Variants in RASGRP4 observed in about 807,000 individuals in gnomAD.
The protein encoded by RASGRP4 is RAS guanyl releasing protein 4, also known as RAS guanyl-releasing protein 4.
In RASGRP4, 52 loss-of-function variants were observed where a neutral mutation model predicts 84.4. That is an observed-to-expected ratio of 0.62 (90% CI 0.49 to 0.78). The LOEUF is 0.78. Ranked by LOEUF, RASGRP4 falls within the 30% of genes least tolerant of loss-of-function variation. The pLI, the probability that RASGRP4 is intolerant of heterozygous loss-of-function variation, is 0.00. For missense variants in RASGRP4, 760 were observed against 886.9 expected (o/e 0.86, Z 1.82); for synonymous variants, 356 against 359.1 (o/e 0.99, Z 0.10).
At chr19:38,426,040 G>A in intron 1 of RASGRP4, 29 bp downstream of exon 1, 1 of 1,363,876 alleles carries the variant, frequency 7.3e-7, no homozygotes, top group Non-Finnish European at 9.5e-7. Context: ...TCAGGGTGCT[G>A]CCGGGCTCCC....
chr19:38,412,847 C>G lies in RASGRP4; in HGVS notation c.1536-31G>C, dbSNP rs745546002. On this transcript the variant is annotated intron_variant, in intron 12 of 16. Transcript: ENST00000615439. The surrounding 1 kb of genome is among the most constrained non-coding windows in gnomAD (Gnocchi z 4.6). ...GGCAGAAACTGAGCCTCAGCATGAC[C>G]TGCCCCAACGTCCTCCAGACCCAGG... The G allele has an allele frequency of 2.2e-5, 36 of 1,611,296 alleles. No individual in the cohort carries two copies. In the South Asian group the frequency reaches 3.3e-4, roughly 15 times the overall value.
In RASGRP4 at chr19:38,411,368, G is replaced by A. The variant is rs370977740; in HGVS notation, c.1694C>T (p.Thr565Ile). Residue 565 changes from threonine (T) to isoleucine (I), a missense_variant, in exon 14 of 17, where the codon ACC becomes ATC. Physicochemically the swap from Thr to Ile is moderately conservative, Grantham distance 89. Transcript: ENST00000615439. The stretch of plus-strand genomic sequence containing the variant: ...ACCCCGACAGCGGTAGCCTTGCTTG[G>A]TGACACCCCAGAGCTGGGAAGAGAA... ...DSCSGFLWGV[T>I]KQGYRCRECG... 2.2e-5 allele frequency: 35 copies of A among 1,588,458 alleles called. No individual in the cohort carries two copies. The highest frequency in any genetic ancestry group is 2.9e-5 in the Non-Finnish European group (34 of 1,166,638).
chr19:38,418,097 G>A lies in RASGRP4; in HGVS notation c.837+294C>T, dbSNP rs1971578178. ...GCTTCCATGCCCCACAAAGGTGGGGGCATGGAAGAGACACTCTCATTGACC... is the reference window on the plus strand; with the variant it reads ...GCTTCCATGCCCCACAAAGGTGGGGACATGGAAGAGACACTCTCATTGACC... On this transcript the variant is annotated intron_variant, in intron 7 of 16. Transcript: ENST00000615439. The surrounding 1 kb of genome is among the most constrained non-coding windows in gnomAD (Gnocchi z 4.6). Among the ~76,000 whole-genome samples, 1 of 152,100 alleles carries A rather than the reference G, an allele frequency of 6.6e-6. No individual in the cohort carries two copies. Among genetic ancestry groups the A allele is most frequent in the Non-Finnish European group, 1.5e-5 (1 of 67,998 alleles).
chr19:38,411,206 C>T lies in RASGRP4; in HGVS notation c.1761G>A (p.Lys587=), dbSNP rs765307633. ...CCCCTGGCCTCTTCTTACATTCTAC[C>T]TTCACCTGGTCTCTGCAGTGTTTGT... The part of the protein sequence containing the change: ...CCHKHCRDQV[K]VECKKRPGAK... The change falls in exon 15 of 17, where the codon AAG becomes AAA. Residue 587 remains lysine (K), a synonymous_variant. Transcript: ENST00000615439. 1.1e-5 allele frequency: 18 copies of T among 1,613,964 alleles called. No individual in the cohort carries two copies. Among genetic ancestry groups the T allele is most frequent in the Admixed American group, 1.7e-5 (1 of 60,018 alleles).
At chr19:38,422,834 A>G (rs886318874) in intron 1 of RASGRP4, among the ~76,000 whole-genome samples, 1 of 151,966 alleles carries the variant, frequency 6.6e-6, no homozygotes, top group Non-Finnish European at 1.5e-5. Context: ...ATTAACTTGA[A>G]TCATCCCCAC....
chr19:38,420,782 T>G, intron 4 of RASGRP4, 126 bp downstream of exon 4: 2 of 885,778 alleles, frequency 2.3e-6, no homozygotes, highest in Non-Finnish European at 3.7e-6. Context: ...AGAAGTGGGA[T>G]TTTGGCCTGT....
rs141786893 is a variant in RASGRP4, at chr19:38,417,435, C to A, written c.838-267G>T. 6.1e-3 allele frequency among the ~76,000 whole-genome samples: 926 copies of A among 152,110 alleles called. 7 individuals are homozygous for A. Among genetic ancestry groups the A allele is most frequent in the Middle Eastern group, 0.014 (4 of 294 alleles). On this transcript the variant is annotated intron_variant, in intron 7 of 16. Transcript: ENST00000615439. This position sits in a 1 kb window ranked among gnomAD's most constrained non-coding sequence, Gnocchi z 5.1. Reference sequence around the variant, plus strand: ...AGAAAATCTGGGGAGACAGGAAGTACGAGAAGTTGGGCGGATTTGGGGAAT... The same window carrying A: ...AGAAAATCTGGGGAGACAGGAAGTAAGAGAAGTTGGGCGGATTTGGGGAAT...
Position 38,410,933 on chromosome 19 carries a change from C to A in RASGRP4, c.1918G>T (p.Ala640Ser), listed in dbSNP as rs759354719. 3 of 1,605,036 alleles carry A rather than the reference C, an allele frequency of 1.9e-6. No individual in the cohort carries two copies. The highest frequency in any genetic ancestry group is 1.7e-5 in the Admixed American group (1 of 58,418). Residue 640 changes from alanine (A) to serine (S), a missense_variant, in exon 16 of 17, where the codon GCC becomes TCC. Coordinates refer to ENST00000615439, the MANE Select transcript of RASGRP4 (RefSeq NM_170604.3). ...TGTGGGGATTCAGTCTGGGTCCAGG[C>A]ATGGCGAAGCTGGCACCCAGTCTCA... is the stretch of plus-strand genomic sequence containing the variant. ...EPETGCQLRH[A>S]WTQTESPHPS...
chr19:38,412,759 G>A lies in RASGRP4; in HGVS notation c.1593C>T (p.Ile531=), dbSNP rs117304824. ...LTGYLLRASA[I]CSKLGLAFLH... ...GGAAGGCCAGGCCCAACTTGGAGCA[G>A]ATGGCGCTGGCCCGGAGCAGGTACC... Residue 531 remains isoleucine, a synonymous_variant, in exon 13 of 17, where the codon ATC becomes ATT. Transcript: ENST00000615439. The surrounding 1 kb of genome is among the most constrained non-coding windows in gnomAD (Gnocchi z 4.6). 0.017 allele frequency: 27,245 copies of A among 1,609,884 alleles called. 324 individuals carry two copies. The highest frequency in any genetic ancestry group is 0.043 in the Middle Eastern group (262 of 6,056).
intron 8 of RASGRP4, among the ~76,000 whole-genome samples, chr19:38,415,655 T>G (rs1267054412): frequency 6.6e-6 from 1 of 151,942 alleles, no homozygotes; most frequent in Non-Finnish European, 1.5e-5. Context: ...TTACAGGCGT[T>G]AGCCATCAAG....
chr19:38,422,573 T>C (rs1334636747), intron 1 of RASGRP4, among the ~76,000 whole-genome samples: 1 of 151,996 alleles, frequency 6.6e-6, no homozygotes, highest in African/African-American at 2.4e-5. Context: ...TATTGTGAAC[T>C]TCACATGCGA....
rs1971918908 is a variant in RASGRP4 at position 38,424,786 on chromosome 19, T to A, written c.23+1283A>T. 3.3e-5 allele frequency among the ~76,000 whole-genome samples: 5 copies of A among 152,088 alleles called. No individual in the cohort carries two copies. The South Asian group carries it at 1.0e-3, about 32-fold the overall frequency. ...TAGGCTAAGGAAGGAGCATTCTAAC[T>A]AAGTCAGCATTTCCCTAAGTGTGGG... On this transcript the variant is annotated intron_variant, in intron 1 of 16. Transcript: ENST00000615439.
chr19:38,421,439 C>G (rs1039725195), intron 2 of RASGRP4, among the ~76,000 whole-genome samples: 1 of 152,188 alleles, frequency 6.6e-6, no homozygotes, highest in Non-Finnish European at 1.5e-5. Flanking sequence ...TGGCCGGGCA[C>G]AGTGGCTCAC....
At position 38,418,381 on chromosome 19, in the gene RASGRP4, C is replaced by T. The variant is rs958853504; in HGVS notation, c.837+10G>A. On this transcript the variant is annotated intron_variant, in intron 7 of 16. Coordinates refer to ENST00000615439, the MANE Select transcript of RASGRP4 (RefSeq NM_170604.3). The surrounding 1 kb of genome is among the most constrained non-coding windows in gnomAD (Gnocchi z 4.6). The stretch of plus-strand genomic sequence containing the variant: ...CAGTGGAGTTCGCAGCCCCAAGGGG[C>T]GGGCCTCACCTGTGCCACGTGAATG... 2 of 1,600,038 alleles carry T rather than the reference C, an allele frequency of 1.2e-6. No individual in the cohort carries two copies. Among genetic ancestry groups the T allele is most frequent in the African/African-American group, 2.7e-5 (2 of 74,656 alleles).
chr19:38,410,256 C>T (rs935159107), intron 16 of RASGRP4, among the ~76,000 whole-genome samples, 160 bp from the exon 17 acceptor site: 2 of 152,174 alleles, frequency 1.3e-5, no homozygotes, highest in Non-Finnish European at 2.9e-5. Flanking sequence ...CTGAGAGTCT[C>T]TGCCCTCAAA....
At chr19:38,420,713 A>C in intron 4 of RASGRP4, among the ~76,000 whole-genome samples, 195 bp downstream of exon 4, 1 of 147,134 alleles carries the variant, frequency 6.8e-6, no homozygotes, top group Non-Finnish European at 1.5e-5. Context: ...GTCTCTAGGA[A>C]GTGGGGGTTC....
rs368115104 is a variant in RASGRP4, at chr19:38,411,096, G to A, written c.1852+19C>T. On this transcript the variant is annotated intron_variant, in intron 15 of 16. Transcript: ENST00000615439. Reference sequence around the variant, plus strand: ...TTCCCCCAGGCCCCTTCCCAGCACCGGTGTGCTCTAGGTCTTACCACAGCT... The same window carrying A: ...TTCCCCCAGGCCCCTTCCCAGCACCAGTGTGCTCTAGGTCTTACCACAGCT... The A allele has an allele frequency of 6.9e-5, 111 of 1,610,734 alleles. No individual in the cohort carries two copies. The highest frequency in any genetic ancestry group is 2.5e-4 in the African/African-American group (19 of 74,842).
At position 38,412,597 on chromosome 19, in the gene RASGRP4, G is replaced by A; in HGVS notation, c.1680+75C>T. The A allele has an allele frequency of 1.4e-6, 2 of 1,401,148 alleles. No homozygotes were observed. Among genetic ancestry groups the A allele is most frequent in the Non-Finnish European group, 1.9e-6 (2 of 1,026,876 alleles). The allele number at this position is 1,401,148 out of a possible 1,614,324, so 86.8% of individuals were successfully genotyped here. The stretch of plus-strand genomic sequence containing the variant: ...AGCTGGAGGATTTCTGGAATTTGGG[G>A]GTTATCTGGGGTTTGCGGACTGCCG... On this transcript the variant is annotated intron_variant, in intron 13 of 16. Coordinates refer to ENST00000615439, the MANE Select transcript of RASGRP4 (RefSeq NM_170604.3). This position sits in a 1 kb window ranked among gnomAD's most constrained non-coding sequence, Gnocchi z 4.6.
At chr19:38,414,118 T>C (rs1971392535) in intron 9 of RASGRP4, among the ~76,000 whole-genome samples, 2 of 151,328 alleles carry the variant, frequency 1.3e-5, no homozygotes, top group African/African-American at 4.9e-5. Context: ...TTAGTAGAGA[T>C]GGGGTTTCAC....
Sources: allele counts gnomAD v4.1 joint callset (sites outside exome capture counted in the v4.1 genomes callset), GRCh38; gene constraint gnomAD v4.1.1; non-coding constraint Gnocchi (gnomAD v3.1); transcripts MANE v1.5; gene names NCBI Gene and HGNC (gene_info 2026-07-23, HGNC 2026-07-21).